TYW1: variants seen among roughly 807,000 people sequenced by gnomAD.
TYW1 encodes the protein tRNA-yW synthesizing protein 1 homolog.
A neutral mutation model predicts 96.2 loss-of-function variants in TYW1; 46 were observed. The ratio of observed to expected loss-of-function variants is 0.48; its 90% CI spans 0.38 to 0.61. TYW1 has a LOEUF of 0.61. Among genes scored for constraint, TYW1 ranks in the 20% least tolerant of loss-of-function variants. TYW1 has a pLI of 0.00. For synonymous variants in TYW1, 274 were observed against 323.0 expected, an observed-to-expected ratio of 0.85 and a Z score of 1.63; for missense variants, 684 against 909.6, an observed-to-expected ratio of 0.75 and a Z score of 3.19.
chr7:67,094,655 T>G (rs1364597537), intron 11 of TYW1, among the ~76,000 whole-genome samples: 5 of 109,468 alleles, frequency 4.6e-5, no homozygotes, highest in African/African-American at 1.2e-4. Context: ...AATTAGAGTG[T>G]GTGTGTGTGT....
At chr7:67,140,714 A>G (rs1190102968) in intron 13 of TYW1, among the ~76,000 whole-genome samples, 1 of 152,250 alleles carries the variant, frequency 6.6e-6, no homozygotes, top group Non-Finnish European at 1.5e-5. Flanking sequence ...TGTTAAAATA[A>G]AAAATGTGCA....
At position 67,059,430 on chromosome 7, in the gene TYW1, TGAG is replaced by T. The variant is rs1390528002; in HGVS notation, c.1155+3549_1155+3551del. 2.0e-4 allele frequency among the ~76,000 whole-genome samples: 30 copies of T among 151,416 alleles called. 1 individual carries two copies. Among genetic ancestry groups the T allele is most frequent in the African/African-American group, 7.0e-4 (29 of 41,230 alleles). ...AGACAAAGATTTTTAAAGGAAAAAT[TGAG>T]GAGGATTATGTAATTGTTTTGAAAT... is the stretch of plus-strand genomic sequence containing the variant. On this transcript the variant is annotated intron_variant, in intron 9 of 15. Transcript: ENST00000359626.
intron 12 of TYW1, among the ~76,000 whole-genome samples, chr7:67,098,969 A>G (rs1797006304): frequency 3.3e-5 from 5 of 152,010 alleles, no homozygotes; most frequent in Admixed American, 3.3e-4. Flanking sequence ...TTTTTTTCCA[A>G]ATGGGAGAGG....
chr7:67,168,085 C>G (rs1799405310), intron 13 of TYW1, among the ~76,000 whole-genome samples: 1 of 149,186 alleles, frequency 6.7e-6, no homozygotes, highest in East Asian at 1.9e-4. Context: ...CTCCACCATA[C>G]TGAAGAAATT....
At chr7:67,063,652 G>A (rs55958146) in intron 9 of TYW1, among the ~76,000 whole-genome samples, 42,789 of 151,346 alleles carry the variant, frequency 0.28, 6,222 homozygotes, top group Middle Eastern at 0.36. Context: ...CACCCAGGCT[G>A]GAGTGTAGTG....
chr7:67,067,774 A>G (rs532935181), intron 10 of TYW1, among the ~76,000 whole-genome samples: 2 of 151,208 alleles, frequency 1.3e-5, no homozygotes, highest in Non-Finnish European at 2.9e-5. Context: ...TTTTTTTTCT[A>G]TCTATGACTA....
intron 12 of TYW1, among the ~76,000 whole-genome samples, chr7:67,111,084 A>G (rs1797391777): frequency 6.6e-6 from 1 of 152,222 alleles, no homozygotes; most frequent in Non-Finnish European, 1.5e-5. Context: ...TGGCCTATAC[A>G]CATGAAAGGA....
intron 3 of TYW1, among the ~76,000 whole-genome samples, chr7:67,007,546 C>T (rs1208590502): frequency 5.9e-5 from 9 of 152,158 alleles, no homozygotes; most frequent in South Asian, 4.1e-4. Flanking sequence ...TTGGAGATTA[C>T]GTGTTAATGA....
At chr7:67,046,834 ACT>A (rs890133220) in intron 7 of TYW1, among the ~76,000 whole-genome samples, 6 of 152,030 alleles carry the variant, frequency 3.9e-5, no homozygotes, top group Non-Finnish European at 8.8e-5. Context: ...CTTATGACTG[ACT>A]CTGGGGTTGC....
chr7:67,012,439 C>G (rs1176982446), intron 4 of TYW1, among the ~76,000 whole-genome samples: 1 of 152,156 alleles, frequency 6.6e-6, no homozygotes, highest in Non-Finnish European at 1.5e-5. Flanking sequence ...CTAGCTTTAA[C>G]TCTGTCCATT....
chr7:67,208,901 T>G (rs934978628), intron 15 of TYW1, among the ~76,000 whole-genome samples: 1 of 152,184 alleles, frequency 6.6e-6, no homozygotes, highest in African/African-American at 2.4e-5. Context: ...ATTGTCATTG[T>G]CATATTCTAT....
intron 14 of TYW1, among the ~76,000 whole-genome samples, chr7:67,190,958 G>A (rs1463002558): frequency 6.6e-6 from 1 of 152,136 alleles, no homozygotes; most frequent in African/African-American, 2.4e-5. Context: ...AGCCAGTGAG[G>A]AAGACTTTAT....
At chr7:67,027,452 C>T (rs1408843163) in intron 7 of TYW1, among the ~76,000 whole-genome samples, 3 of 151,722 alleles carry the variant, frequency 2.0e-5, no homozygotes, top group East Asian at 1.9e-4. Flanking sequence ...TATTGTATAA[C>T]CTGGAGAAAG....
chr7:67,202,078 T>C (rs1800620051), intron 15 of TYW1, among the ~76,000 whole-genome samples: 1 of 152,152 alleles, frequency 6.6e-6, no homozygotes, highest in Non-Finnish European at 1.5e-5. Context: ...CAGAAACCCA[T>C]CCAAAAAGCA....
chr7:67,084,029 C>G (rs1218118221), intron 11 of TYW1, among the ~76,000 whole-genome samples: 1 of 152,114 alleles, frequency 6.6e-6, no homozygotes, highest in Non-Finnish European at 1.5e-5. Flanking sequence ...GAGCGAAACT[C>G]CATCTCAGAA....
At chr7:67,122,505 C>G (rs1797789028) in intron 13 of TYW1, among the ~76,000 whole-genome samples, 1 of 152,162 alleles carries the variant, frequency 6.6e-6, no homozygotes, top group Non-Finnish European at 1.5e-5. Flanking sequence ...TACAAAGAAG[C>G]AAGGAAAGAA....
At chr7:67,197,952 T>TCCCCCCCCCCC (rs1563067011) in intron 15 of TYW1, among the ~76,000 whole-genome samples, 4 of 125,978 alleles carry the variant, frequency 3.2e-5, no homozygotes, top group Non-Finnish European at 3.3e-5. Flanking sequence ...CTCCCTTCCC[T>TCCCCCCCCCCC]ACCCCTGCCC....
At chr7:67,103,898 G>C (rs1797164048) in intron 12 of TYW1, among the ~76,000 whole-genome samples, 1 of 152,204 alleles carries the variant, frequency 6.6e-6, no homozygotes, top group Admixed American at 6.5e-5. Flanking sequence ...AGAGAAACAA[G>C]AAGGGCAGCT....
At chr7:67,189,170 G>A (rs547904475) in intron 14 of TYW1, among the ~76,000 whole-genome samples, 82 of 152,248 alleles carry the variant, frequency 5.4e-4, no homozygotes, top group African/African-American at 1.8e-3. Flanking sequence ...CTTAACTTTG[G>A]TCATAGAAGT....
Sources: allele counts gnomAD v4.1 joint callset (sites outside exome capture counted in the v4.1 genomes callset), GRCh38; gene constraint gnomAD v4.1.1; transcripts MANE v1.5; gene names NCBI Gene and HGNC (gene_info 2026-07-23, HGNC 2026-07-21).